The following GALNTL6 variants were observed in gnomAD, a reference collection of about 807,000 sequenced individuals.
The protein encoded by GALNTL6 is polypeptide N-acetylgalactosaminyltransferase-like 6.
GALNTL6 carries 46 observed loss-of-function variants against 73.7 expected under a neutral mutation model. The observed-to-expected ratio is 0.62, with a 90% CI of 0.49 to 0.80. The LOEUF is 0.80. GALNTL6 is among the 30% of genes least tolerant of loss of function. The probability of loss-of-function intolerance (pLI) is 0.00; values close to 1 mark genes in which losing one functional copy is unlikely to be tolerated. For synonymous variants in GALNTL6, 259 were observed against 263.7 expected (o/e 0.98, Z 0.17); for missense variants, 604 against 755.0 (o/e 0.80, Z 2.34).
At chr4:172,598,719 A>G (rs1737951045) in intron 5 of GALNTL6, among the ~76,000 whole-genome samples, 1 of 152,192 alleles carries the variant, frequency 6.6e-6, no homozygotes, top group Non-Finnish European at 1.5e-5. Context: ...ACAGTCAGAA[A>G]TGTTATGATA....
chr4:172,806,252 C>G (rs915689982), intron 5 of GALNTL6, among the ~76,000 whole-genome samples: 3 of 152,084 alleles, frequency 2.0e-5, no homozygotes, highest in Non-Finnish European at 2.9e-5. Flanking sequence ...AAATTTCAAA[C>G]TAGAAGAACT....
chr4:171,921,650 G>T (rs1292514522), intron 2 of GALNTL6, among the ~76,000 whole-genome samples: 1 of 152,038 alleles, frequency 6.6e-6, no homozygotes, highest in Non-Finnish European at 1.5e-5. Flanking sequence ...TCAATTGATT[G>T]TCAAATATTC....
At chr4:172,931,347 A>T in intron 9 of GALNTL6, 79 bp downstream of exon 9, 1 of 833,072 alleles carries the variant, frequency 1.2e-6, no homozygotes, top group Non-Finnish European at 2.1e-6. Flanking sequence ...CCCATGGCAC[A>T]GTCTGAGAAA....
intron 5 of GALNTL6, among the ~76,000 whole-genome samples, chr4:172,484,456 G>C (rs993148839): frequency 2.0e-5 from 3 of 152,178 alleles, no homozygotes; most frequent in Admixed American, 2.0e-4. Context: ...TTGACTGAAA[G>C]TGCTGGTTGG....
At chr4:172,608,044 G>A (rs1394425602) in intron 5 of GALNTL6, among the ~76,000 whole-genome samples, 2 of 151,846 alleles carry the variant, frequency 1.3e-5, no homozygotes, top group Non-Finnish European at 2.9e-5. Context: ...TTAGATCTTT[G>A]TTTAATAAAT....
intron 8 of GALNTL6, among the ~76,000 whole-genome samples, chr4:172,889,267 G>A (rs1745891408): frequency 6.6e-6 from 1 of 152,102 alleles, no homozygotes; most frequent in Non-Finnish European, 1.5e-5. Flanking sequence ...TTGCCCAAAT[G>A]CTCTAAGTAG....
chr4:172,037,004 A>G (rs1042805351), intron 2 of GALNTL6, among the ~76,000 whole-genome samples: 1 of 152,092 alleles, frequency 6.6e-6, no homozygotes, highest in Non-Finnish European at 1.5e-5. Context: ...CAAAGAGGCA[A>G]TAGAGATATG....
At chr4:171,922,454 G>A (rs906800693) in intron 2 of GALNTL6, among the ~76,000 whole-genome samples, 1 of 151,830 alleles carries the variant, frequency 6.6e-6, no homozygotes, top group African/African-American at 2.4e-5. Context: ...GCACAATCTG[G>A]TACTAATAAG....
At chr4:171,946,685 C>A (rs1445691528) in intron 2 of GALNTL6, among the ~76,000 whole-genome samples, 1 of 152,122 alleles carries the variant, frequency 6.6e-6, no homozygotes, top group Non-Finnish European at 1.5e-5. Context: ...TTTGGATAAG[C>A]TAGTCAGAGG....
rs527358176 is a variant in GALNTL6 at position 172,695,381 on chromosome 4, C to T, written c.554-113980C>T. On this transcript the variant is annotated intron_variant, in intron 5 of 12. Transcript: ENST00000506823. ...ATTCATTTCTTTCTCTGATGCTATT[C>T]AGTTTATCATAACATTTTAAACCAT... Among the ~76,000 whole-genome samples the T allele has an allele frequency of 5.3e-5, 8 of 152,320 alleles. 1 individual carries two copies. In the South Asian group the frequency reaches 1.7e-3, roughly 32 times the overall value.
chr4:171,840,584 C>T (rs1186154095), intron 2 of GALNTL6, among the ~76,000 whole-genome samples: 2 of 152,124 alleles, frequency 1.3e-5, no homozygotes, highest in Non-Finnish European at 2.9e-5. Context: ...GTGCTGCTAA[C>T]TTTTGCAATA....
intron 2 of GALNTL6, among the ~76,000 whole-genome samples, chr4:171,927,274 T>C (rs1452400211): frequency 6.6e-6 from 1 of 152,154 alleles, no homozygotes; most frequent in African/African-American, 2.4e-5. Flanking sequence ...GAAATTATAT[T>C]GTTGGTGCTT....
intron 5 of GALNTL6, among the ~76,000 whole-genome samples, chr4:172,689,456 A>G (rs1733131460): frequency 6.6e-6 from 1 of 152,252 alleles, no homozygotes; most frequent in African/African-American, 2.4e-5. Flanking sequence ...AAACATTTTG[A>G]AAAGTAAAAT....
At chr4:172,278,538 T>C (rs1738913521) in intron 3 of GALNTL6, among the ~76,000 whole-genome samples, 1 of 152,148 alleles carries the variant, frequency 6.6e-6, no homozygotes, top group African/African-American at 2.4e-5. Flanking sequence ...TCCCTTTCCC[T>C]GTATCATCTG....
intron 2 of GALNTL6, among the ~76,000 whole-genome samples, chr4:172,145,157 T>G (rs1733895508): frequency 6.6e-6 from 1 of 151,898 alleles, no homozygotes; most frequent in Admixed American, 6.6e-5. Context: ...TTATTATTTT[T>G]GAGATGGAGT....
chr4:172,746,265 G>A (rs914688913), intron 5 of GALNTL6, among the ~76,000 whole-genome samples: 5 of 151,878 alleles, frequency 3.3e-5, no homozygotes, highest in Admixed American at 6.6e-5. Flanking sequence ...TAAAGTGAGC[G>A]TTAAGTGAGA....
intron 5 of GALNTL6, among the ~76,000 whole-genome samples, chr4:172,565,312 G>A (rs1173350329): frequency 6.6e-6 from 1 of 152,192 alleles, no homozygotes; most frequent in African/African-American, 2.4e-5. Flanking sequence ...GCATGAAAGT[G>A]TTGTTGAAAT....
chr4:172,596,487 A>C (rs1034221275), intron 5 of GALNTL6, among the ~76,000 whole-genome samples: 3 of 151,450 alleles, frequency 2.0e-5, no homozygotes, highest in Admixed American at 6.6e-5. Flanking sequence ...GACCAAGATC[A>C]AGAAGGGGTT....
chr4:172,958,143 A>C (rs1480221148), intron 10 of GALNTL6, among the ~76,000 whole-genome samples: 1 of 152,206 alleles, frequency 6.6e-6, no homozygotes, highest in Non-Finnish European at 1.5e-5. Flanking sequence ...GGTGTGAGGA[A>C]GAAAATAGAT....
Sources: allele counts gnomAD v4.1 joint callset (sites outside exome capture counted in the v4.1 genomes callset), GRCh38; gene constraint gnomAD v4.1.1; transcripts MANE v1.5; gene names NCBI Gene and HGNC (gene_info 2026-07-23, HGNC 2026-07-21).